Variants in DLG2 observed in about 807,000 individuals in gnomAD.
The protein encoded by DLG2 is discs large MAGUK scaffold protein 2, also known as disks large homolog 2.
Under a neutral mutation model 132.5 loss-of-function variants are expected in DLG2, and 45 were observed. The observed-to-expected ratio is 0.34, with a 90% CI of 0.27 to 0.44. The LOEUF (loss-of-function observed/expected upper bound fraction) is 0.44. Ranked by LOEUF, DLG2 falls within the 20% of genes least tolerant of loss-of-function variation. DLG2 has a pLI of 1.00. For synonymous variants in DLG2, 424 were observed against 419.6 expected, an observed-to-expected ratio of 1.01 and a Z score of -0.13; for missense variants, 1,045 against 1,196.9, an observed-to-expected ratio of 0.87 and a Z score of 1.87.
chr11:83,930,887 G>A (rs879921384), intron 14 of DLG2, among the ~76,000 whole-genome samples: 3 of 152,106 alleles, frequency 2.0e-5, no homozygotes, highest in Non-Finnish European at 4.4e-5. Flanking sequence ...CAAACTTGAG[G>A]ATAAAGCCAA....
intron 18 of DLG2, among the ~76,000 whole-genome samples, chr11:83,749,798 T>C (rs1239433393): frequency 1.3e-5 from 2 of 152,136 alleles, no homozygotes; most frequent in Non-Finnish European, 2.9e-5. Context: ...ACCTTCAAAT[T>C]GTCTCCTATG....
chr11:84,578,611 C>T (rs2099508988), intron 6 of DLG2, among the ~76,000 whole-genome samples: 1 of 152,194 alleles, frequency 6.6e-6, no homozygotes, highest in South Asian at 2.1e-4. Flanking sequence ...CCAATACCTG[C>T]ACTGCCATTG....
At chr11:84,341,499 T>C (rs879587556) in intron 7 of DLG2, among the ~76,000 whole-genome samples, 1 of 152,144 alleles carries the variant, frequency 6.6e-6, no homozygotes, top group Non-Finnish European at 1.5e-5. Flanking sequence ...TTTAAAAACA[T>C]AAAAAATGGC....
intron 7 of DLG2, among the ~76,000 whole-genome samples, chr11:84,513,492 T>C (rs887321752): frequency 3.3e-5 from 5 of 151,730 alleles, no homozygotes; most frequent in Non-Finnish European, 5.9e-5. Flanking sequence ...AACAGAGAAA[T>C]AGACCAATGG....
chr11:85,220,629 GAA>G (rs568361391), intron 4 of DLG2, among the ~76,000 whole-genome samples: 14 of 144,510 alleles, frequency 9.7e-5, no homozygotes, highest in African/African-American at 2.0e-4. Flanking sequence ...ATATCAAATA[GAA>G]AAAAAAATAT....
intron 6 of DLG2, chr11:85,020,986 C>A (rs967087010): frequency 7.7e-6 from 6 of 778,568 alleles, no homozygotes; most frequent in Non-Finnish European, 1.4e-5. Context: ...CTGCTCTGCT[C>A]CTCTTCTGAC....
At chr11:85,456,840 T>A (rs2092439391) in intron 3 of DLG2, among the ~76,000 whole-genome samples, 1 of 152,212 alleles carries the variant, frequency 6.6e-6, no homozygotes, top group Non-Finnish European at 1.5e-5. Context: ...GTGGTTGGTA[T>A]GATATCAATT....
intron 10 of DLG2, among the ~76,000 whole-genome samples, chr11:84,070,996 G>A (rs965776151): frequency 5.3e-5 from 8 of 152,254 alleles, no homozygotes; most frequent in Middle Eastern, 3.4e-3. Flanking sequence ...ACCAGAAAGG[G>A]AGGAGTGTTC....
intron 6 of DLG2, among the ~76,000 whole-genome samples, chr11:84,984,501 T>C (rs950052696): frequency 2.0e-5 from 3 of 149,946 alleles, no homozygotes; most frequent in Non-Finnish European, 4.4e-5. Flanking sequence ...TTGAAACAAA[T>C]CCTGGAAACA....
Position 83,965,395 on chromosome 11 carries a change from A to T in DLG2, c.1130T>A (p.Val377Asp). 1 of 1,612,046 alleles carries T rather than the reference A, an allele frequency of 6.2e-7. No individual in the cohort carries two copies. Among genetic ancestry groups the T allele is most frequent in the South Asian group, 1.1e-5 (1 of 90,990 alleles). The change falls in exon 13 of 28, where the codon GTT becomes GAT. Residue 377 changes from valine to aspartate, a missense_variant. By Grantham distance (152) the Val-to-Asp change is radical. Around this residue, in one of 4 missense-constraint regions of DLG2, gnomAD observed 261 missense variants for 256.1 expected, o/e 1.02. Transcript: ENST00000376104. ...VAILKNTSEV[V>D]YLKVGKPTTI... ...AGTGGGTTTGCCAACTTTTAAATAA[A>T]CTACCTCTGATGTGTTCTTTAATAT...
At chr11:84,460,775 G>T (rs1435313131) in intron 7 of DLG2, among the ~76,000 whole-genome samples, 5 of 150,576 alleles carry the variant, frequency 3.3e-5, no homozygotes, top group Admixed American at 6.6e-5. Context: ...CATTTCTCTA[G>T]TGCTGATGAG....
intron 6 of DLG2, among the ~76,000 whole-genome samples, chr11:84,727,966 T>C (rs1299726233): frequency 6.6e-6 from 1 of 152,202 alleles, no homozygotes; most frequent in East Asian, 1.9e-4. Context: ...TTTGCTGAGG[T>C]TGCTTATCAG....
chr11:83,696,380 C>T (rs1176194943), intron 18 of DLG2, among the ~76,000 whole-genome samples: 9 of 152,116 alleles, frequency 5.9e-5, no homozygotes, highest in East Asian at 1.9e-4. Flanking sequence ...GGTGAGAGGG[C>T]GACATTTTGT....
chr11:84,441,737 A>G (rs1483734222), intron 7 of DLG2, among the ~76,000 whole-genome samples: 3 of 152,220 alleles, frequency 2.0e-5, no homozygotes, highest in Non-Finnish European at 4.4e-5. Context: ...ATAAAGTACA[A>G]TCTTTTTCTC....
intron 17 of DLG2, among the ~76,000 whole-genome samples, chr11:83,794,314 C>G (rs2042244257): frequency 6.6e-6 from 1 of 152,102 alleles, no homozygotes; most frequent in Admixed American, 6.5e-5. Flanking sequence ...ATTTCTATCC[C>G]TGAGGTTTGA....
intron 3 of DLG2, among the ~76,000 whole-genome samples, chr11:85,519,659 A>G (rs1328297013): frequency 3.9e-5 from 6 of 152,128 alleles, no homozygotes; most frequent in African/African-American, 1.2e-4. Flanking sequence ...GGAAGGCATG[A>G]CTGGTTTTGA....
At chr11:84,720,395 C>T (rs1724776462) in intron 6 of DLG2, 1 of 985,334 alleles carries the variant, frequency 1.0e-6, no homozygotes, top group African/African-American at 1.7e-5. Flanking sequence ...CAACAGGGGA[C>T]ATTCCTTCCG....
At chr11:85,507,552 G>A (rs555421786) in intron 3 of DLG2, among the ~76,000 whole-genome samples, 1 of 152,264 alleles carries the variant, frequency 6.6e-6, no homozygotes, top group East Asian at 1.9e-4. Context: ...ACTTTCTTAT[G>A]GCTTGCAGAG....
chr11:85,165,902 C>T (rs2078404301), intron 4 of DLG2, among the ~76,000 whole-genome samples: 1 of 152,104 alleles, frequency 6.6e-6, no homozygotes, highest in Admixed American at 6.6e-5. Context: ...CCTCCTAGTC[C>T]TCACTGTCTT....
Sources: allele counts gnomAD v4.1 joint callset (sites outside exome capture counted in the v4.1 genomes callset), GRCh38; gene constraint gnomAD v4.1.1; regional missense constraint gnomAD v4.1.1; transcripts MANE v1.5; gene names NCBI Gene and HGNC (gene_info 2026-07-23, HGNC 2026-07-21).